DNAH5: variants seen among roughly 807,000 people sequenced by gnomAD.
DNAH5 encodes dynein axonemal heavy chain 5.
Under a neutral mutation model 518.2 loss-of-function variants are expected in DNAH5, and 372 were observed. That is an observed-to-expected ratio of 0.72 (90% confidence interval 0.66 to 0.78). DNAH5 has a LOEUF of 0.78. Among genes scored for constraint, DNAH5 ranks in the 30% least tolerant of loss-of-function variants. The pLI, the probability that DNAH5 is intolerant of heterozygous loss-of-function variation, is 0.00. For synonymous variants in DNAH5, 2,039 were observed against 2,025.9 expected (o/e 1.01, Z -0.17); for missense variants, 5,523 against 5,687.0 (o/e 0.97, Z 0.93).
Position 13,850,726 on chromosome 5 carries a change from A to T in DNAH5, c.5040T>A (p.Val1680=). 6.2e-7 allele frequency: 1 copy of T among 1,614,060 alleles called. No homozygotes were observed. The highest frequency in any genetic ancestry group is 8.5e-7 in the Non-Finnish European group (1 of 1,179,922). The change falls in exon 31 of 79, where the codon GTT becomes GTA. Residue 1680 remains valine, a synonymous_variant. Transcript: ENST00000265104. Reference sequence around the variant, plus strand: ...ACAGCTGCCCCAGGGTCTCATCTCCAACACAGCACTGGACTACACTGGGCA... The same window carrying T: ...ACAGCTGCCCCAGGGTCTCATCTCCTACACAGCACTGGACTACACTGGGCA... ...HEVPSVVQCC[V]GDETLGQLLP...
chr5:13,805,443 A>C (rs1759437578), intron 47 of DNAH5, among the ~76,000 whole-genome samples: 1 of 152,140 alleles, frequency 6.6e-6, no homozygotes, highest in Non-Finnish European at 1.5e-5. Context: ...GGTTGCAGTG[A>C]GCCAAGATCA....
chr5:13,858,670 T>C (rs1156845098), intron 30 of DNAH5, among the ~76,000 whole-genome samples: 2 of 152,170 alleles, frequency 1.3e-5, no homozygotes, highest in East Asian at 3.8e-4. Context: ...AGTGAGTGAA[T>C]ACATTTCACT....
chr5:13,913,314 T>C (rs768192286), intron 11 of DNAH5, among the ~76,000 whole-genome samples: 38 of 152,086 alleles, frequency 2.5e-4, no homozygotes, highest in Non-Finnish European at 4.9e-4. Context: ...TCAGGTCCTT[T>C]ATATTTTTTA....
chr5:13,900,065 T>C, intron 15 of DNAH5, 141 bp downstream of exon 15: 1 of 760,134 alleles, frequency 1.3e-6, no homozygotes. Context: ...ACTCTGCAGC[T>C]GCACCCCATG....
At chr5:13,895,947 T>C (rs1015182214) in intron 15 of DNAH5, among the ~76,000 whole-genome samples, 1 of 152,006 alleles carries the variant, frequency 6.6e-6, no homozygotes. Flanking sequence ...CACATACAGG[T>C]AATCCATTAG....
At chr5:14,011,099 G>T (rs10041419) in intron 1 of DNAH5, among the ~76,000 whole-genome samples, 49,846 of 151,882 alleles carry the variant, frequency 0.33, 9,015 homozygotes, top group East Asian at 0.81. Context: ...CGAGGCAAAT[G>T]TAAGAGACAG....
intron 52 of DNAH5, among the ~76,000 whole-genome samples, chr5:13,785,745 T>C (rs1195631566): frequency 6.6e-6 from 1 of 152,232 alleles, no homozygotes; most frequent in Non-Finnish European, 1.5e-5. Context: ...TGGGGATTTA[T>C]ATGAGTAGAA....
In DNAH5 at chr5:13,837,588, C is replaced by A. The variant is rs982396328; in HGVS notation, c.5882+1768G>T. Among the ~76,000 whole-genome samples the A allele has an allele frequency of 5.4e-5, 8 of 149,086 alleles. No homozygotes were observed. In the East Asian group the frequency reaches 5.9e-4, roughly 11 times the overall value. On this transcript the variant is annotated intron_variant, in intron 35 of 78. Coordinates refer to ENST00000265104, the MANE Select transcript of DNAH5 (RefSeq NM_001369.3). Reference sequence around the variant, plus strand: ...AAAAAAAAACATGAAATAAGGCCTTCGGTGGAGACAGAGGAAGACAAGGAA... The same window carrying A: ...AAAAAAAAACATGAAATAAGGCCTTAGGTGGAGACAGAGGAAGACAAGGAA...
intron 38 of DNAH5, among the ~76,000 whole-genome samples, chr5:13,826,329 A>C (rs969776645): frequency 5.3e-5 from 8 of 152,184 alleles, no homozygotes; most frequent in African/African-American, 1.9e-4. Flanking sequence ...CCATTCAAGA[A>C]ACAGCATGGA....
chr5:13,917,543 C>T (rs1206862972), intron 7 of DNAH5, among the ~76,000 whole-genome samples: 2 of 152,200 alleles, frequency 1.3e-5, no homozygotes, highest in Non-Finnish European at 2.9e-5. Context: ...CACGTTCTCC[C>T]CTGCACTGGT....
intron 43 of DNAH5, among the ~76,000 whole-genome samples, chr5:13,812,650 T>C (rs1484142213): frequency 6.6e-6 from 1 of 152,208 alleles, no homozygotes; most frequent in East Asian, 1.9e-4. Flanking sequence ...CTACAATTAG[T>C]TGTTTCTTTT....
chr5:13,931,705 T>C (rs991386925), intron 1 of DNAH5, among the ~76,000 whole-genome samples: 8 of 152,212 alleles, frequency 5.3e-5, no homozygotes, highest in Admixed American at 6.5e-5. Flanking sequence ...CTGAATACCA[T>C]TGCTTGCTCT....
intron 59 of DNAH5, among the ~76,000 whole-genome samples, chr5:13,764,037 A>C (rs888585480): frequency 2.0e-5 from 3 of 152,232 alleles, no homozygotes; most frequent in African/African-American, 7.2e-5. Flanking sequence ...CATAGCAGTC[A>C]CTTGAGCAAT....
chr5:13,911,361 A>G (rs1775970497), intron 12 of DNAH5, 25 bp downstream of exon 12: 1 of 1,569,542 alleles, frequency 6.4e-7, no homozygotes, highest in Admixed American at 1.7e-5. Flanking sequence ...ACGACTGTCA[A>G]CAGGAATTTT....
At chr5:13,709,265 A>G (rs1743185130) in intron 75 of DNAH5, among the ~76,000 whole-genome samples, 1 of 152,186 alleles carries the variant, frequency 6.6e-6, no homozygotes, top group South Asian at 2.1e-4. Context: ...GAAAAATACA[A>G]AGAAATAGGG....
intron 75 of DNAH5, among the ~76,000 whole-genome samples, chr5:13,712,281 A>C (rs569630931): frequency 6.6e-6 from 1 of 152,282 alleles, no homozygotes; most frequent in South Asian, 2.1e-4. Context: ...ATAAGAATAA[A>C]ACTGGACCCT....
At chr5:13,829,758 A>G (rs2151835702) in intron 37 of DNAH5, 54 bp from the exon 38 acceptor site, 2 of 1,523,502 alleles carry the variant, frequency 1.3e-6, no homozygotes, top group East Asian at 2.3e-5. Context: ...ACACATCAGC[A>G]TCATATTAAA....
chr5:13,865,679 T>G lies in DNAH5; in HGVS notation c.4344A>C (p.Glu1448Asp). ...ATTTAATTTCTTACCTGTTCTGGAA[T>G]TCTAAGAGTTCATTGTTAATTTTTT... Reference protein sequence around the residue: ...NIEKINNELLEFQNRCRKLPR... With the variant: ...NIEKINNELLDFQNRCRKLPR... Residue 1448 changes from glutamate to aspartate, a missense_variant, in exon 27 of 79, where the codon GAA becomes GAC. By Grantham distance (45) the Glu-to-Asp change is conservative (BLOSUM62 2). Coordinates refer to ENST00000265104, the MANE Select transcript of DNAH5 (RefSeq NM_001369.3). 2 of 1,564,862 alleles carry G rather than the reference T, an allele frequency of 1.3e-6. No individual in the cohort carries two copies. The highest frequency in any genetic ancestry group is 1.7e-4 in the Middle Eastern group (1 of 5,954).
At position 13,885,209 on chromosome 5, in the gene DNAH5, AT is replaced by A; in HGVS notation, c.2762del (p.Asn921IlefsTer5). The A allele has an allele frequency of 6.2e-7, 1 of 1,614,176 alleles. No individual in the cohort carries two copies. The highest frequency in any genetic ancestry group is 8.5e-7 in the Non-Finnish European group (1 of 1,180,002). ...NESSAKREEG[N>X]FDTLTSSINA... is the part of the protein sequence containing the mutation. ...TAATAGATGATGTCAAGGTGTCAAA[AT>A]TTCCTTCTTCTCTTTTTGCTGTTAC... On this transcript the variant is annotated frameshift_variant, in exon 19 of 79. Transcript: ENST00000265104. LOFTEE classifies it high-confidence loss of function.
Sources: allele counts gnomAD v4.1 joint callset (sites outside exome capture counted in the v4.1 genomes callset), GRCh38; gene constraint gnomAD v4.1.1; transcripts MANE v1.5; gene names NCBI Gene and HGNC (gene_info 2026-07-23, HGNC 2026-07-21).